MERTK: variants seen among roughly 807,000 people sequenced by gnomAD.
MERTK encodes MER proto-oncogene, tyrosine kinase, also known as tyrosine-protein kinase Mer.
MERTK carries 69 observed loss-of-function variants against 99.3 expected under a neutral mutation model. The observed-to-expected ratio is 0.70, with a 90% confidence interval of 0.57 to 0.85. The LOEUF (loss-of-function observed/expected upper bound fraction) is 0.85, where lower values mean the gene tolerates loss of function less well. Among genes scored for constraint, MERTK ranks in the 40% least tolerant of loss-of-function variants. The probability of loss-of-function intolerance (pLI) is 0.00; values close to 1 mark genes in which losing one functional copy is unlikely to be tolerated. For synonymous variants in MERTK, 426 were observed against 467.6 expected (o/e 0.91, Z 1.15); for missense variants, 1,125 against 1,249.4 (o/e 0.90, Z 1.50).
chr2:112,017,948 C>T (rs753912929), intron 15 of MERTK, among the ~76,000 whole-genome samples: 3 of 152,134 alleles, frequency 2.0e-5, no homozygotes, highest in Non-Finnish European at 4.4e-5. Flanking sequence ...TACAGGATCT[C>T]ATGCAATAAA....
At chr2:111,973,002 A>C (rs1249833592) in intron 6 of MERTK, among the ~76,000 whole-genome samples, 1 of 152,188 alleles carries the variant, frequency 6.6e-6, no homozygotes, top group African/African-American at 2.4e-5. Flanking sequence ...ATGCACTAGC[A>C]GGACACACCC....
intron 6 of MERTK, among the ~76,000 whole-genome samples, chr2:111,973,979 A>G (rs1355578905): frequency 1.5e-5 from 2 of 129,438 alleles, no homozygotes; most frequent in Non-Finnish European, 3.3e-5. Flanking sequence ...ACCCTTTGCT[A>G]TATCTCCTCA....
At chr2:111,941,484 C>T (rs1280581756) in intron 2 of MERTK, among the ~76,000 whole-genome samples, 1 of 152,180 alleles carries the variant, frequency 6.6e-6, no homozygotes, top group Admixed American at 6.5e-5. Context: ...CATCCACTCT[C>T]CGCGTTTCCT....
intron 3 of MERTK, 89 bp from the exon 4 acceptor site, chr2:111,947,302 TTGC>T: frequency 1.3e-6 from 1 of 751,452 alleles, no homozygotes; most frequent in Non-Finnish European, 2.2e-6. Context: ...AAGAAATCTA[TTGC>T]CAAGTTCTAG....
At chr2:111,900,670 G>A (rs770280356) in intron 1 of MERTK, among the ~76,000 whole-genome samples, 8 of 145,332 alleles carry the variant, frequency 5.5e-5, no homozygotes, top group Non-Finnish European at 7.8e-5. Context: ...CCACCCAGCT[G>A]GAAGAATGAA....
At chr2:111,985,485 A>T (rs1676458906) in intron 8 of MERTK, among the ~76,000 whole-genome samples, 1 of 152,166 alleles carries the variant, frequency 6.6e-6, no homozygotes, top group Admixed American at 6.5e-5. Context: ...GTGTTGCCAT[A>T]TTCCTGATCA....
At chr2:111,936,501 G>A (rs1684767011) in intron 2 of MERTK, among the ~76,000 whole-genome samples, 1 of 152,162 alleles carries the variant, frequency 6.6e-6, no homozygotes, top group Non-Finnish European at 1.5e-5. Context: ...TCTGCTCCTA[G>A]CCTAGGTGCC....
chr2:112,015,650 A>G (rs1677202670), intron 15 of MERTK, among the ~76,000 whole-genome samples: 1 of 151,996 alleles, frequency 6.6e-6, no homozygotes, highest in Non-Finnish European at 1.5e-5. Flanking sequence ...TTCTCTTAAC[A>G]CGGGCAAAAA....
chr2:111,899,490 T>C (rs1684001113), intron 1 of MERTK, among the ~76,000 whole-genome samples: 1 of 152,036 alleles, frequency 6.6e-6, no homozygotes, highest in Admixed American at 6.5e-5. Flanking sequence ...TTTACGTTTA[T>C]CTGGATTCAG....
chr2:111,916,401 C>A (rs150033924), intron 1 of MERTK, among the ~76,000 whole-genome samples: 299 of 152,186 alleles, frequency 2.0e-3, no homozygotes, highest in South Asian at 5.6e-3. Flanking sequence ...TCATTTTTTT[C>A]AGTCTCTTCT....
chr2:112,024,722 A>C (rs1469779431), intron 18 of MERTK: 1 of 152,388 alleles, frequency 6.6e-6, no homozygotes, highest in Non-Finnish European at 1.5e-5. Flanking sequence ...TGAGGCCAGG[A>C]GTTTGAAATC....
In MERTK at chr2:111,929,436, C is replaced by T. The variant is rs766032461; in HGVS notation, c.378C>T (p.Thr126=). The T allele has an allele frequency of 6.2e-7, 1 of 1,613,986 alleles. No individual in the cohort carries two copies. The highest frequency in any genetic ancestry group is 1.1e-5 in the South Asian group (1 of 91,060). The part of the protein sequence containing the change: ...SISVPNIYQD[T]TISWWKDGKE... ...GTGTACCTAATATATACCAGGACACCACAATTTCTTGGTGGAAAGATGGGA... is the reference window on the plus strand; with the variant it reads ...GTGTACCTAATATATACCAGGACACTACAATTTCTTGGTGGAAAGATGGGA... The change falls in exon 2 of 19, where the codon ACC becomes ACT. Residue 126 remains threonine (T), a synonymous_variant. Coordinates refer to ENST00000295408, the MANE Select transcript of MERTK (RefSeq NM_006343.3).
chr2:112,029,505 G>GA lies in MERTK; in HGVS notation c.*646dup, dbSNP rs1172461922. 1.6e-5 allele frequency: 3 copies of GA among 192,796 alleles called. No individual in the cohort carries two copies. Among genetic ancestry groups the GA allele is most frequent in the African/African-American group, 7.1e-5 (3 of 42,190 alleles). The allele number at this position is 192,796 out of a possible 1,614,324, so 11.9% of individuals were successfully genotyped here. On this transcript the variant is annotated 3_prime_UTR_variant, in exon 19 of 19. Coordinates refer to ENST00000295408, the MANE Select transcript of MERTK (RefSeq NM_006343.3). ...CTTGGCATTGCTTTATAGAGATATG[G>GA]AAAAACCACACCAGGGTCTGTAGAT...
chr2:111,988,136 A>G (rs1303588046), intron 8 of MERTK, among the ~76,000 whole-genome samples: 1 of 151,992 alleles, frequency 6.6e-6, no homozygotes, highest in Non-Finnish European at 1.5e-5. Flanking sequence ...TTGGCCCAAG[A>G]CCTCGGCCTC....
intron 4 of MERTK, among the ~76,000 whole-genome samples, chr2:111,964,777 TTTATTTTGCTA>T (rs1412467638): frequency 1.3e-5 from 2 of 152,218 alleles, no homozygotes; most frequent in East Asian, 3.8e-4. Context: ...AACTGTGGCT[TTTATTTTGCTA>T]TTTCTGGTAT....
Position 112,028,965 on chromosome 2 carries a change from T to G in MERTK, c.*101T>G, listed in dbSNP as rs1677526744. 1 of 1,600,166 alleles carries G rather than the reference T, an allele frequency of 6.2e-7. No individual in the cohort carries two copies. Among genetic ancestry groups the G allele is most frequent in the African/African-American group, 1.3e-5 (1 of 74,780 alleles). ...TTTGGTATTTGTCTTCCTTACCAAG[T>G]GAACTCCATGGCCCCAAAGCACCAG... On this transcript the variant is annotated 3_prime_UTR_variant, in exon 19 of 19. Coordinates refer to ENST00000295408, the MANE Select transcript of MERTK (RefSeq NM_006343.3).
chr2:111,932,753 T>C (rs1054861257), intron 2 of MERTK, among the ~76,000 whole-genome samples: 3 of 152,118 alleles, frequency 2.0e-5, no homozygotes, highest in African/African-American at 4.8e-5. Context: ...ACTAAGAGTA[T>C]ATATTAGTTT....
intron 2 of MERTK, among the ~76,000 whole-genome samples, chr2:111,941,202 G>A (rs78725166): frequency 0.058 from 8,833 of 151,994 alleles, 381 homozygotes; most frequent in South Asian, 0.19. Flanking sequence ...AATATTTTTT[G>A]TTTTAACTTT....
At chr2:111,940,995 G>A (rs1268880258) in intron 2 of MERTK, 18 of 581,426 alleles carry the variant, frequency 3.1e-5, no homozygotes, top group Middle Eastern at 2.7e-4. Flanking sequence ...TGAAACCGGC[G>A]GGGTTGTGGT....
Sources: allele counts gnomAD v4.1 joint callset (sites outside exome capture counted in the v4.1 genomes callset), GRCh38; gene constraint gnomAD v4.1.1; transcripts MANE v1.5; gene names NCBI Gene and HGNC (gene_info 2026-07-23, HGNC 2026-07-21).